CSMD1: variants seen among roughly 807,000 people sequenced by gnomAD.
The protein encoded by CSMD1 is CUB and sushi domain-containing protein 1.
Under a neutral mutation model 417.5 loss-of-function variants are expected in CSMD1, and 213 were observed. That is an observed-to-expected ratio of 0.51 (90% CI 0.46 to 0.57). CSMD1 has a LOEUF of 0.57. Among genes scored for constraint, CSMD1 ranks in the 20% least tolerant of loss-of-function variants. The pLI is 0.00. For missense variants in CSMD1, 6,923 were observed against 4,529.7 expected (o/e 1.53, Z -15.17); for synonymous variants, 2,862 against 1,736.8 (o/e 1.65, Z -16.11).
intron 3 of CSMD1, among the ~76,000 whole-genome samples, chr8:4,103,823 C>T (rs78760294): frequency 0.076 from 11,609 of 152,266 alleles, 510 homozygotes; most frequent in Middle Eastern, 0.17. Context: ...ATGACAGCCT[C>T]TTCATAAAAT....
chr8:3,259,698 G>T (rs891530799), intron 26 of CSMD1, among the ~76,000 whole-genome samples: 7 of 152,118 alleles, frequency 4.6e-5, no homozygotes, highest in Non-Finnish European at 1.0e-4. Context: ...AAATTGGTGA[G>T]TCTAATGCAA....
At chr8:3,704,284 C>T (rs746290480) in intron 7 of CSMD1, among the ~76,000 whole-genome samples, 7 of 152,070 alleles carry the variant, frequency 4.6e-5, no homozygotes, top group African/African-American at 7.2e-5. Flanking sequence ...GGATTCAGCA[C>T]AGAAGCCTTC....
chr8:4,110,782 A>G (rs1167938447), intron 3 of CSMD1, among the ~76,000 whole-genome samples: 1 of 152,076 alleles, frequency 6.6e-6, no homozygotes, highest in East Asian at 1.9e-4. Flanking sequence ...CAAACGAGAG[A>G]TATTTTCAAG....
At chr8:3,518,846 T>G (rs1162372846) in intron 10 of CSMD1, among the ~76,000 whole-genome samples, 1 of 152,160 alleles carries the variant, frequency 6.6e-6, no homozygotes, top group Non-Finnish European at 1.5e-5. Context: ...ATTATTCACA[T>G]CGCCAGTCAT....
At chr8:3,852,483 G>T (rs935782109) in intron 5 of CSMD1, among the ~76,000 whole-genome samples, 1 of 152,168 alleles carries the variant, frequency 6.6e-6, no homozygotes, top group Non-Finnish European at 1.5e-5. Context: ...GAATAAGCTG[G>T]GATATAGAAG....
intron 3 of CSMD1, among the ~76,000 whole-genome samples, chr8:4,149,804 T>A (rs1796473435): frequency 6.6e-6 from 1 of 152,224 alleles, no homozygotes; most frequent in African/African-American, 2.4e-5. Context: ...CACTTGAGAA[T>A]TTCCTATTAA....
At chr8:3,508,104 T>C (rs1035440130) in intron 10 of CSMD1, among the ~76,000 whole-genome samples, 8 of 152,284 alleles carry the variant, frequency 5.3e-5, no homozygotes, top group African/African-American at 1.2e-4. Context: ...CTGAATGGTA[T>C]TGCCTAGGTT....
chr8:3,171,179 T>G (rs1820561194), intron 37 of CSMD1, among the ~76,000 whole-genome samples: 1 of 152,180 alleles, frequency 6.6e-6, no homozygotes, highest in South Asian at 2.1e-4. Context: ...TAAAAAGGCT[T>G]GAATGCCAAT....
chr8:3,146,247 A>G (rs1369366134), intron 40 of CSMD1, among the ~76,000 whole-genome samples: 2 of 152,086 alleles, frequency 1.3e-5, no homozygotes, highest in Non-Finnish European at 2.9e-5. Context: ...CTGTGCCCTT[A>G]GACACTCTCA....
At chr8:4,123,602 T>G (rs1802604278) in intron 3 of CSMD1, among the ~76,000 whole-genome samples, 1 of 152,216 alleles carries the variant, frequency 6.6e-6, no homozygotes, top group Non-Finnish European at 1.5e-5. Context: ...TTTTATCACT[T>G]TTGAAAAAAA....
chr8:4,674,847 A>C (rs58481036), intron 1 of CSMD1, among the ~76,000 whole-genome samples: 4,746 of 152,188 alleles, frequency 0.031, 262 homozygotes, highest in African/African-American at 0.11. Flanking sequence ...GAGGTGGGGC[A>C]TTTAGGAGGT....
At chr8:3,029,784 G>T (rs1304620865) in intron 50 of CSMD1, among the ~76,000 whole-genome samples, 2 of 151,928 alleles carry the variant, frequency 1.3e-5, no homozygotes, top group African/African-American at 2.4e-5. Context: ...TTCCACAAAA[G>T]TATATGGCTC....
Position 3,772,378 on chromosome 8 carries a change from T to TACA in CSMD1, c.819-18337_819-18336insTGT, listed in dbSNP as rs1563064083. ...ATTTATATATACATATATACATATA[T>TACA]TCATATATTTATATATACACATATA... On this transcript the variant is annotated intron_variant, in intron 5 of 69. Transcript: ENST00000635120. 9.6e-5 allele frequency among the ~76,000 whole-genome samples: 13 copies of TACA among 135,034 alleles called. 1 individual carries two copies. The highest frequency in any genetic ancestry group is 2.7e-4 in the African/African-American group (9 of 33,746). 88.6% of individuals were successfully genotyped at this position (135,034 alleles called of 152,430 possible). A position where few individuals can be genotyped will look rare whatever the true frequency, so the allele number is the denominator to read the frequency against.
intron 3 of CSMD1, among the ~76,000 whole-genome samples, chr8:4,191,019 G>A (rs1474486005): frequency 2.6e-5 from 4 of 152,030 alleles, no homozygotes; most frequent in African/African-American, 9.7e-5. Context: ...GAGTGATGAA[G>A]TCATCTGTGC....
chr8:3,544,201 A>C (rs1196359870), intron 10 of CSMD1, among the ~76,000 whole-genome samples: 1 of 152,132 alleles, frequency 6.6e-6, no homozygotes, highest in East Asian at 1.9e-4. Context: ...TTAAGGGAAG[A>C]GATTGATAAC....
In CSMD1 at chr8:3,205,596, C is replaced by G. The variant is rs960975533; in HGVS notation, c.4892G>C (p.Gly1631Ala). 2 of 1,583,248 alleles carry G rather than the reference C, an allele frequency of 1.3e-6. No individual in the cohort carries two copies. Among genetic ancestry groups the G allele is most frequent in the Non-Finnish European group, 1.7e-6 (2 of 1,160,482 alleles). The change falls in exon 31 of 70, where the codon GGA becomes GCA. Residue 1631 changes from glycine to alanine, a missense_variant. Physicochemically the swap from Gly to Ala is moderately conservative, Grantham distance 60 (BLOSUM62 0). Coordinates refer to ENST00000635120, the MANE Select transcript of CSMD1 (RefSeq NM_033225.6). ...CNAPCGGQYT[G>A]SEGVVLSPNY... ...TGGTGATAAAACTACCCCTTCTGAT[C>G]CCGTGTACTGGCCTCCACAGGGAGC...
rs534479443 is a variant in CSMD1 at position 4,545,103 on chromosome 8, G to C, written c.302+92239C>G. 2.5e-3 allele frequency among the ~76,000 whole-genome samples: 380 copies of C among 152,304 alleles called. 3 individuals are homozygous for C. The highest frequency in any genetic ancestry group is 9.0e-3 in the African/African-American group (372 of 41,564). ...GATGTATATAAAAGGCATGTTAAGAGGGGACATAGTAACTTGGAAAGAGCA... is the reference window on the plus strand; with the variant it reads ...GATGTATATAAAAGGCATGTTAAGACGGGACATAGTAACTTGGAAAGAGCA... On this transcript the variant is annotated intron_variant, in intron 2 of 69. Transcript: ENST00000635120.
At chr8:3,628,355 C>T (rs1484924548) in intron 7 of CSMD1, among the ~76,000 whole-genome samples, 1 of 152,220 alleles carries the variant, frequency 6.6e-6, no homozygotes, top group Admixed American at 6.5e-5. Context: ...CGAGGGTGAC[C>T]TCACGCCCCT....
At position 4,101,899 on chromosome 8, in the gene CSMD1, C is replaced by T. The variant is rs531809391; in HGVS notation, c.416-69800G>A. On this transcript the variant is annotated intron_variant, in intron 3 of 69. Coordinates refer to ENST00000635120, the MANE Select transcript of CSMD1 (RefSeq NM_033225.6). Reference sequence around the variant, plus strand: ...CATCTTGTTAACAACTACTATCTCTCCTAATAATGTACAGCATTTTCCCAG... The same window carrying T: ...CATCTTGTTAACAACTACTATCTCTTCTAATAATGTACAGCATTTTCCCAG... Among the ~76,000 whole-genome samples the T allele has an allele frequency of 2.3e-4, 35 of 152,246 alleles. No individual in the cohort carries two copies. In the South Asian group the frequency reaches 6.9e-3, roughly 30 times the overall value.
Sources: allele counts gnomAD v4.1 joint callset (sites outside exome capture counted in the v4.1 genomes callset), GRCh38; gene constraint gnomAD v4.1.1; transcripts MANE v1.5; gene names NCBI Gene and HGNC (gene_info 2026-07-23, HGNC 2026-07-21).